Variants in GABRB3 observed in about 807,000 individuals in gnomAD.
The protein encoded by GABRB3 is gamma-aminobutyric acid receptor subunit beta-3.
Under a neutral mutation model 52.1 loss-of-function variants are expected in GABRB3, and 14 were observed. The observed-to-expected ratio is 0.27, with a 90% CI of 0.18 to 0.42. The LOEUF is 0.42. GABRB3 is among the 10% of genes least tolerant of loss of function. The pLI, the probability that GABRB3 is intolerant of heterozygous loss-of-function variation, is 1.00. For synonymous variants in GABRB3, 260 were observed against 232.3 expected (o/e 1.12, Z -1.08); for missense variants, 307 against 609.1 (o/e 0.50, Z 5.22).
rs1375822384 is a variant in GABRB3 at position 26,545,823 on chromosome 15, A to G, written c.*1970T>C. The G allele has an allele frequency of 6.6e-6, 1 of 152,626 alleles. No individual in the cohort carries two copies. The highest frequency in any genetic ancestry group is 6.5e-5 in the Admixed American group (1 of 15,282). 9.5% of individuals were successfully genotyped at this position (152,626 alleles called of 1,614,324 possible). A position where few individuals can be genotyped will look rare whatever the true frequency, so the allele number is the denominator to read the frequency against. ...TCTCCAGATGAAAATAAAACCAGAG[A>G]GCAGCGATTAGGAGGAAAAAGATAG... is the stretch of plus-strand genomic sequence containing the variant. On this transcript the variant is annotated 3_prime_UTR_variant, in exon 9 of 9. Transcript: ENST00000311550.
intron 3 of GABRB3, among the ~76,000 whole-genome samples, chr15:26,741,931 T>TAG (rs1157704692): frequency 6.6e-6 from 1 of 152,222 alleles, no homozygotes; most frequent in Non-Finnish European, 1.5e-5. Context: ...AACCAGCCTT[T>TAG]CCTACTATGA....
At chr15:26,568,841 A>AG (rs891097074) in intron 6 of GABRB3, among the ~76,000 whole-genome samples, 1 of 152,004 alleles carries the variant, frequency 6.6e-6, no homozygotes, top group African/African-American at 2.4e-5. Context: ...GAGCAAGGCA[A>AG]GTGTGGCCTT....
At chr15:26,594,487 A>C (rs954167310) in intron 4 of GABRB3, among the ~76,000 whole-genome samples, 3 of 152,108 alleles carry the variant, frequency 2.0e-5, no homozygotes, top group Non-Finnish European at 4.4e-5. Flanking sequence ...AATGTTTTAA[A>C]TTTATTTATC....
chr15:26,608,315 T>C (rs1194564840), intron 4 of GABRB3, among the ~76,000 whole-genome samples: 1 of 152,038 alleles, frequency 6.6e-6, no homozygotes, highest in East Asian at 1.9e-4. Flanking sequence ...CAACTCAAAA[T>C]TGATTAAAAC....
intron 3 of GABRB3, among the ~76,000 whole-genome samples, chr15:26,683,368 C>T (rs1017874482): frequency 9.6e-5 from 14 of 145,148 alleles, no homozygotes; most frequent in Admixed American, 4.0e-4. Flanking sequence ...GCTCCCCCAT[C>T]GCTGGGTTTC....
At chr15:26,584,986 A>T (rs1890927765) in intron 4 of GABRB3, among the ~76,000 whole-genome samples, 1 of 152,218 alleles carries the variant, frequency 6.6e-6, no homozygotes, top group African/African-American at 2.4e-5. Context: ...TGCATCTGCA[A>T]GGCCATGGTT....
intron 3 of GABRB3, among the ~76,000 whole-genome samples, chr15:26,718,112 C>A (rs1162495772): frequency 6.6e-6 from 1 of 152,126 alleles, no homozygotes; most frequent in African/African-American, 2.4e-5. Context: ...CCTGCACACA[C>A]CTGAAAACAA....
chr15:26,746,872 G>A (rs1161235381), intron 3 of GABRB3, among the ~76,000 whole-genome samples: 1 of 152,108 alleles, frequency 6.6e-6, no homozygotes, highest in East Asian at 1.9e-4. Context: ...CTGTAGTCCA[G>A]CTAACTCAGG....
chr15:26,742,001 G>A (rs572313490), intron 3 of GABRB3, among the ~76,000 whole-genome samples: 91 of 152,074 alleles, frequency 6.0e-4, no homozygotes, highest in African/African-American at 1.9e-3. Flanking sequence ...AAATATTTTC[G>A]GAGGAAAATC....
At chr15:26,753,170 G>A (rs1160563949) in intron 3 of GABRB3, among the ~76,000 whole-genome samples, 3 of 152,184 alleles carry the variant, frequency 2.0e-5, no homozygotes, top group African/African-American at 4.8e-5. Flanking sequence ...TTCCCCAGAT[G>A]GTGGAGCTGG....
At chr15:26,679,766 A>G (rs1888180380) in intron 3 of GABRB3, among the ~76,000 whole-genome samples, 1 of 152,158 alleles carries the variant, frequency 6.6e-6, no homozygotes, top group Admixed American at 6.5e-5. Flanking sequence ...TCTTCCCTGC[A>G]TCAGATGAAA....
At chr15:26,665,606 A>G (rs372545746) in intron 3 of GABRB3, among the ~76,000 whole-genome samples, 2 of 152,308 alleles carry the variant, frequency 1.3e-5, no homozygotes, top group East Asian at 1.9e-4. Flanking sequence ...AGGCAGAAAA[A>G]GGAGCTGGTG....
At chr15:26,635,981 T>C (rs1444409269) in intron 3 of GABRB3, among the ~76,000 whole-genome samples, 3 of 152,220 alleles carry the variant, frequency 2.0e-5, no homozygotes, top group Admixed American at 6.5e-5. Flanking sequence ...AGTTTGATAG[T>C]TGTCTTTTCT....
chr15:26,565,756 T>C (rs1890147005), intron 7 of GABRB3, among the ~76,000 whole-genome samples: 1 of 152,168 alleles, frequency 6.6e-6, no homozygotes, highest in Non-Finnish European at 1.5e-5. Flanking sequence ...CCACCCCTTG[T>C]GATGTCAGAT....
At chr15:26,773,604 C>G, upstream of GABRB3, 1 of 1,512,384 alleles carries the variant, frequency 6.6e-7, no homozygotes, top group Non-Finnish European at 9.0e-7. Flanking sequence ...GCCGCCGCCT[C>G]CCGACGGTGC....
At chr15:26,742,873 T>C (rs531344105) in intron 3 of GABRB3, among the ~76,000 whole-genome samples, 18 of 151,838 alleles carry the variant, frequency 1.2e-4, no homozygotes, top group African/African-American at 4.3e-4. Context: ...AATTTGGGAA[T>C]GACTAGTATC....
At chr15:26,624,152 C>T in intron 3 of GABRB3, 1 of 971,932 alleles carries the variant, frequency 1.0e-6, no homozygotes, top group Non-Finnish European at 1.2e-6. Flanking sequence ...TGATGCAGAA[C>T]ATCAGGATGA....
At chr15:26,558,980 C>T (rs1314285621) in intron 8 of GABRB3, among the ~76,000 whole-genome samples, 1 of 152,174 alleles carries the variant, frequency 6.6e-6, no homozygotes, top group African/African-American at 2.4e-5. Context: ...CCCCAGGAAA[C>T]TTATAATCAT....
intron 3 of GABRB3, among the ~76,000 whole-genome samples, chr15:26,629,617 T>C (rs61998700): frequency 0.36 from 54,269 of 151,952 alleles, 10,437 homozygotes; most frequent in Middle Eastern, 0.53. Flanking sequence ...TCCTCGTCCT[T>C]GGCTGTGGGT....
Sources: allele counts gnomAD v4.1 joint callset (sites outside exome capture counted in the v4.1 genomes callset), GRCh38; gene constraint gnomAD v4.1.1; transcripts MANE v1.5; gene names NCBI Gene and HGNC (gene_info 2026-07-23, HGNC 2026-07-21).